TCF12: variants seen among roughly 807,000 people sequenced by gnomAD.
TCF12 encodes DNA-binding protein HTF4.
In TCF12, 45 loss-of-function variants were observed where a neutral mutation model predicts 86.0. The ratio of observed to expected loss-of-function variants is 0.52; its 90% CI spans 0.41 to 0.67. The LOEUF (loss-of-function observed/expected upper bound fraction) is 0.67. Among genes scored for constraint, TCF12 ranks in the 30% least tolerant of loss-of-function variants. The pLI is 0.00. For missense variants in TCF12, 881 were observed against 859.9 expected (o/e 1.02, Z -0.31); for synonymous variants, 330 against 299.6 (o/e 1.10, Z -1.05).
At chr15:56,989,877 T>C (rs1475851929) in intron 3 of TCF12, among the ~76,000 whole-genome samples, 2 of 152,188 alleles carry the variant, frequency 1.3e-5, no homozygotes, top group African/African-American at 4.8e-5. Flanking sequence ...GGCCTTGAAA[T>C]GTCAAGGTTG....
chr15:57,145,228 T>A (rs1180715062), intron 5 of TCF12, among the ~76,000 whole-genome samples: 3 of 152,148 alleles, frequency 2.0e-5, no homozygotes, highest in African/African-American at 7.2e-5. Context: ...GGCAATCTAA[T>A]TAAGCTTATT....
At chr15:56,921,170 A>G in intron 3 of TCF12, 72 bp downstream of exon 3, 2 of 1,159,924 alleles carry the variant, frequency 1.7e-6, no homozygotes, top group East Asian at 2.7e-5. Context: ...AATAGAAAGC[A>G]TAACATTTAA....
At chr15:57,107,052 A>ATT (rs542640048) in intron 5 of TCF12, among the ~76,000 whole-genome samples, 11 of 152,354 alleles carry the variant, frequency 7.2e-5, no homozygotes, top group African/African-American at 2.4e-4. Context: ...GCAGTCCAAC[A>ATT]TTTGTGTTCC....
intron 3 of TCF12, among the ~76,000 whole-genome samples, chr15:56,941,661 C>A (rs2060784101): frequency 6.6e-6 from 1 of 150,888 alleles, no homozygotes; most frequent in African/African-American, 2.4e-5. Context: ...AGGCGTGAGT[C>A]ACGTGCCTGG....
intron 8 of TCF12, among the ~76,000 whole-genome samples, chr15:57,226,708 T>C (rs1008636115): frequency 5.9e-5 from 9 of 152,164 alleles, no homozygotes; most frequent in Admixed American, 3.9e-4. Context: ...TTGGTTTTCT[T>C]AGGCCTTGAA....
At chr15:57,088,465 A>G (rs1371101650) in intron 4 of TCF12, among the ~76,000 whole-genome samples, 3 of 151,024 alleles carry the variant, frequency 2.0e-5, no homozygotes, top group African/African-American at 7.3e-5. Context: ...ACATACATAC[A>G]TAAAAATATT....
At position 57,288,089 on chromosome 15, in the gene TCF12, C is replaced by A. The variant is rs1403272063; in HGVS notation, c.*1944C>A. The stretch of plus-strand genomic sequence containing the variant: ...ATACAATAATCTTGTAAGAAAATTT[C>A]TTGAATTCTAAATATTACTCTTTCT... On this transcript the variant is annotated 3_prime_UTR_variant, in exon 21 of 21. Coordinates refer to ENST00000333725, the MANE Select transcript of TCF12 (RefSeq NM_207037.2). 1.3e-5 allele frequency: 2 copies of A among 152,512 alleles called. No individual in the cohort carries two copies. The highest frequency in any genetic ancestry group is 2.9e-5 in the Non-Finnish European group (2 of 68,014). 9.4% of individuals were successfully genotyped at this position (152,512 alleles called of 1,614,324 possible).
chr15:57,252,613 C>G, intron 15 of TCF12, 121 bp downstream of exon 15: 4 of 777,936 alleles, frequency 5.1e-6, no homozygotes, highest in Non-Finnish European at 6.1e-6. Context: ...TTGACTGTTT[C>G]AGTTTTTATC....
chr15:57,070,981 T>G (rs1450631263), intron 4 of TCF12, among the ~76,000 whole-genome samples: 1 of 152,194 alleles, frequency 6.6e-6, no homozygotes, highest in African/African-American at 2.4e-5. Context: ...AGGTTGGACT[T>G]ACCCTGATCC....
At chr15:57,152,329 C>G (rs2151464692) in intron 5 of TCF12, among the ~76,000 whole-genome samples, 1 of 152,270 alleles carries the variant, frequency 6.6e-6, no homozygotes, top group East Asian at 1.9e-4. Flanking sequence ...CAAAACAAGA[C>G]TCAGAGGTGG....
intron 3 of TCF12, among the ~76,000 whole-genome samples, chr15:56,961,702 A>G (rs1420950340): frequency 6.6e-6 from 1 of 152,224 alleles, no homozygotes; most frequent in African/African-American, 2.4e-5. Context: ...AGCATGGTAA[A>G]AAAGTAGAAT....
At chr15:57,043,765 T>C (rs1364821828) in intron 3 of TCF12, among the ~76,000 whole-genome samples, 5 of 152,232 alleles carry the variant, frequency 3.3e-5, no homozygotes, top group African/African-American at 9.6e-5. Flanking sequence ...TGTCCATTGA[T>C]TGTTTTTGGT....
intron 3 of TCF12, among the ~76,000 whole-genome samples, chr15:56,986,608 A>G (rs1424903657): frequency 3.9e-5 from 6 of 152,206 alleles, no homozygotes; most frequent in Admixed American, 2.0e-4. Context: ...ACATTCCTGC[A>G]TATCTTTTGG....
chr15:56,951,726 T>G (rs114816213), intron 3 of TCF12, among the ~76,000 whole-genome samples: 1,966 of 152,322 alleles, frequency 0.013, 49 homozygotes, highest in African/African-American at 0.041. Context: ...CATGTCTCAC[T>G]GCAGCCTCGA....
chr15:56,953,563 A>G (rs2061371458), intron 3 of TCF12, among the ~76,000 whole-genome samples: 1 of 151,950 alleles, frequency 6.6e-6, no homozygotes, highest in Non-Finnish European at 1.5e-5. Flanking sequence ...AGAGTTTTTC[A>G]TTGGAGGTTT....
chr15:57,259,547 G>T (rs1360586084), intron 16 of TCF12, among the ~76,000 whole-genome samples: 1 of 152,240 alleles, frequency 6.6e-6, no homozygotes. Context: ...CTTGTTGGGT[G>T]CTTCCAGAAA....
At chr15:57,265,965 T>C (rs555686919) in intron 18 of TCF12, among the ~76,000 whole-genome samples, 15 of 152,196 alleles carry the variant, frequency 9.9e-5, no homozygotes, top group Non-Finnish European at 2.1e-4. Context: ...GACTGAAATG[T>C]TATGGGCTCA....
At chr15:57,250,973 A>G (rs1181701425) in intron 13 of TCF12, among the ~76,000 whole-genome samples, 2 of 148,232 alleles carry the variant, frequency 1.3e-5, no homozygotes, top group African/African-American at 4.9e-5. Flanking sequence ...TAATGTAGTC[A>G]TTAATAGTAT....
At chr15:56,952,378 C>T (rs2061319712) in intron 3 of TCF12, among the ~76,000 whole-genome samples, 1 of 150,846 alleles carries the variant, frequency 6.6e-6, no homozygotes, top group Admixed American at 6.6e-5. Context: ...ATTCTAGGTC[C>T]TCTGCATTTT....
Sources: allele counts gnomAD v4.1 joint callset (sites outside exome capture counted in the v4.1 genomes callset), GRCh38; gene constraint gnomAD v4.1.1; transcripts MANE v1.5; gene names NCBI Gene and HGNC (gene_info 2026-07-23, HGNC 2026-07-21).